The following SESTD1 variants were observed in gnomAD, a reference collection of about 807,000 sequenced individuals.
SESTD1 encodes the protein SEC14 and spectrin domain containing 1.
Under a neutral mutation model 101.7 loss-of-function variants are expected in SESTD1, and 43 were observed. That is an observed-to-expected ratio of 0.42 (90% CI 0.33 to 0.55). SESTD1 has a LOEUF of 0.55. SESTD1 is among the 20% of genes least tolerant of loss of function. SESTD1 has a pLI of 0.07. For missense variants in SESTD1, 647 were observed against 815.1 expected (o/e 0.79, Z 2.51); for synonymous variants, 283 against 286.8 (o/e 0.99, Z 0.13).
intron 13 of SESTD1, among the ~76,000 whole-genome samples, chr2:179,120,085 C>T (rs1446251149): frequency 2.6e-5 from 4 of 151,884 alleles, no homozygotes; most frequent in South Asian, 4.1e-4. Flanking sequence ...AAAAATTAGC[C>T]GGGTGCAGTG....
chr2:179,161,159 T>C (rs1413140044), intron 5 of SESTD1, among the ~76,000 whole-genome samples: 1 of 151,196 alleles, frequency 6.6e-6, no homozygotes, highest in African/African-American at 2.4e-5. Context: ...TGGGCTCAAG[T>C]AATCCTGCCA....
intron 11 of SESTD1, 119 bp from the exon 12 acceptor site, chr2:179,123,948 G>A (rs1355951537): frequency 1.4e-6 from 1 of 696,346 alleles, no homozygotes; most frequent in Non-Finnish European, 2.5e-6. Context: ...AGACTACACT[G>A]TTACAAGACA....
intron 1 of SESTD1, among the ~76,000 whole-genome samples, chr2:179,256,629 G>A (rs925212480): frequency 2.0e-5 from 3 of 152,014 alleles, no homozygotes; most frequent in East Asian, 1.9e-4. Flanking sequence ...TGGCTAACAC[G>A]GTGAAACCCC....
chr2:179,170,852 C>A (rs2045918819), intron 5 of SESTD1, among the ~76,000 whole-genome samples: 1 of 152,164 alleles, frequency 6.6e-6, no homozygotes, highest in African/African-American at 2.4e-5. Flanking sequence ...GGGTGGTGCA[C>A]CCCAACTCCC....
chr2:179,199,538 T>C (rs1244153214), intron 1 of SESTD1, among the ~76,000 whole-genome samples: 2 of 152,180 alleles, frequency 1.3e-5, no homozygotes, highest in Non-Finnish European at 2.9e-5. Flanking sequence ...TTGATGAACA[T>C]TGATGCAAAA....
intron 1 of SESTD1, among the ~76,000 whole-genome samples, chr2:179,250,723 T>C (rs555779656): frequency 5.3e-5 from 8 of 152,256 alleles, no homozygotes; most frequent in African/African-American, 1.7e-4. Context: ...TGTTTCCAAA[T>C]ACAATCACAC....
chr2:179,221,269 G>C (rs1181565234), intron 1 of SESTD1, among the ~76,000 whole-genome samples: 2 of 151,712 alleles, frequency 1.3e-5, no homozygotes, highest in Non-Finnish European at 2.9e-5. Flanking sequence ...GCAGAAAAAA[G>C]CCAGTGAGAT....
intron 1 of SESTD1, among the ~76,000 whole-genome samples, chr2:179,253,235 CA>C (rs925685834): frequency 1.9e-4 from 28 of 147,042 alleles, no homozygotes; most frequent in Non-Finnish European, 2.3e-4. Flanking sequence ...AACAAACAAA[CA>C]AAAAAAAAAC....
chr2:179,158,992 G>A (rs1040082951), intron 5 of SESTD1, among the ~76,000 whole-genome samples: 3 of 152,236 alleles, frequency 2.0e-5, no homozygotes, highest in South Asian at 2.1e-4. Context: ...TGTTTAAGAG[G>A]GTGAAGGTGA....
chr2:179,157,984 G>T (rs1275896898), intron 5 of SESTD1, among the ~76,000 whole-genome samples: 1 of 152,072 alleles, frequency 6.6e-6, no homozygotes, highest in Non-Finnish European at 1.5e-5. Context: ...AGCATAGAGG[G>T]CCAAAGGCTT....
At chr2:179,224,811 C>T (rs1013716966) in intron 1 of SESTD1, among the ~76,000 whole-genome samples, 1 of 152,168 alleles carries the variant, frequency 6.6e-6, no homozygotes, top group African/African-American at 2.4e-5. Flanking sequence ...GAATGTCGAC[C>T]AGAGGTCATA....
At chr2:179,207,794 T>C (rs1381481623) in intron 1 of SESTD1, among the ~76,000 whole-genome samples, 2 of 134,116 alleles carry the variant, frequency 1.5e-5, no homozygotes, top group Admixed American at 7.3e-5. Flanking sequence ...AAAGTAATTC[T>C]GGTAACATGA....
At chr2:179,135,453 G>A (rs1285270512) in intron 9 of SESTD1, among the ~76,000 whole-genome samples, 7 of 152,010 alleles carry the variant, frequency 4.6e-5, no homozygotes, top group Admixed American at 2.0e-4. Context: ...CTCTTTATAA[G>A]GCTTAATACT....
At chr2:179,129,649 G>A (rs2044964717) in intron 10 of SESTD1, among the ~76,000 whole-genome samples, 1 of 152,206 alleles carries the variant, frequency 6.6e-6, no homozygotes, top group East Asian at 1.9e-4. Context: ...GTTAACAGCT[G>A]TCAATGCCAG....
At chr2:179,255,839 T>C (rs935118877) in intron 1 of SESTD1, among the ~76,000 whole-genome samples, 1 of 152,198 alleles carries the variant, frequency 6.6e-6, no homozygotes, top group Non-Finnish European at 1.5e-5. Context: ...ACTCTCTTGT[T>C]AGGGGCTAAT....
intron 1 of SESTD1, among the ~76,000 whole-genome samples, chr2:179,228,285 C>T (rs1480636765): frequency 2.0e-5 from 3 of 152,138 alleles, no homozygotes; most frequent in Admixed American, 6.5e-5. Context: ...TTCCTCAACA[C>T]TACTCCCGGC....
chr2:179,194,678 T>C (rs923947774), intron 1 of SESTD1, among the ~76,000 whole-genome samples: 2 of 152,076 alleles, frequency 1.3e-5, no homozygotes, highest in Admixed American at 6.6e-5. Flanking sequence ...GAAGGAAATA[T>C]CATAATCACA....
chr2:179,154,443 G>A (rs1315070229), intron 5 of SESTD1, among the ~76,000 whole-genome samples: 1 of 151,950 alleles, frequency 6.6e-6, no homozygotes, highest in Non-Finnish European at 1.5e-5. Flanking sequence ...GTAAATGAAG[G>A]AATAATAGAA....
intron 1 of SESTD1, among the ~76,000 whole-genome samples, chr2:179,249,212 T>TAAAAAAAAA (rs58597141): frequency 1.6e-5 from 2 of 126,028 alleles, no homozygotes; most frequent in African/African-American, 3.0e-5. Flanking sequence ...GCATACAGAT[T>TAAAAAAAAA]AAAAAAAAAA....
Sources: gnomAD v4.1 joint callset for allele counts (sites outside exome capture counted in the v4.1 genomes callset) on GRCh38, gnomAD v4.1.1 for gene constraint, MANE v1.5 for transcripts, NCBI Gene and HGNC (gene_info 2026-07-23, HGNC 2026-07-21) for gene names.